The following DZANK1 variants were observed in gnomAD, a reference collection of about 807,000 sequenced individuals.
The protein encoded by DZANK1 is double zinc ribbon and ankyrin repeat-containing protein 1.
DZANK1 carries 91 observed loss-of-function variants against 94.5 expected under a neutral mutation model. The ratio of observed to expected loss-of-function variants is 0.96; its 90% CI spans 0.81 to 1.15. The LOEUF (loss-of-function observed/expected upper bound fraction) is 1.15. Ranked by LOEUF, DZANK1 falls within the 50% of genes most tolerant of loss-of-function variation. The pLI is 0.00. For synonymous variants in DZANK1, 312 were observed against 325.3 expected, an observed-to-expected ratio of 0.96 and a Z score of 0.44; for missense variants, 903 against 916.4, an observed-to-expected ratio of 0.99 and a Z score of 0.19.
At chr20:18,454,891 G>A (rs760503135) in intron 4 of DZANK1, among the ~76,000 whole-genome samples, 1 of 152,218 alleles carries the variant, frequency 6.6e-6, no homozygotes, top group Non-Finnish European at 1.5e-5. Context: ...ACTCCAGTTT[G>A]GTTGGAGTAT....
At chr20:18,391,023 G>A (rs1011268921) in intron 17 of DZANK1, among the ~76,000 whole-genome samples, 3 of 152,020 alleles carry the variant, frequency 2.0e-5, no homozygotes, top group African/African-American at 4.8e-5. Flanking sequence ...TGGTGAAACC[G>A]TGTCTCTACT....
exon 3 of DZANK1, chr20:18,460,253 G>C: frequency 6.3e-7 from 1 of 1,591,496 alleles, no homozygotes; most frequent in Non-Finnish European, 8.6e-7. Context: ...ATTCTCTTTA[G>C]AAATTCAGGT....
intron 10 of DZANK1, among the ~76,000 whole-genome samples, chr20:18,415,812 T>C (rs1015867567): frequency 3.0e-4 from 45 of 152,214 alleles, no homozygotes; most frequent in African/African-American, 1.1e-3. Flanking sequence ...GCGGTCATGA[T>C]TGAGGCTTAT....
intron 1 of DZANK1, among the ~76,000 whole-genome samples, chr20:18,466,605 A>C (rs931579007): frequency 6.6e-6 from 1 of 152,240 alleles, no homozygotes; most frequent in African/African-American, 2.4e-5. Context: ...TAGTTGAAAA[A>C]TTCTAAATAA....
chr20:18,394,190 A>G, intron 16 of DZANK1, 64 bp downstream of exon 16: 1 of 1,433,012 alleles, frequency 7.0e-7, no homozygotes, highest in South Asian at 1.2e-5. Flanking sequence ...GTTCTCTGCT[A>G]TACCTGCCAA....
In DZANK1 at chr20:18,447,214, G is replaced by A. The variant is rs190826452; in HGVS notation, c.629+1770C>T. Among the ~76,000 whole-genome samples, 325 of 152,246 alleles carry A rather than the reference G, an allele frequency of 2.1e-3. 2 individuals carry two copies. Among genetic ancestry groups the A allele is most frequent in the African/African-American group, 7.4e-3 (307 of 41,574 alleles). On this transcript the variant is annotated intron_variant, in intron 7 of 20. Coordinates refer to ENST00000262547, the Ensembl canonical transcript of DZANK1. Reference sequence around the variant, plus strand: ...AACTTGGCTGGGTGTGGTGGCTCACGCCTATAATCCCACTACTTTGGGAGG... The same window carrying A: ...AACTTGGCTGGGTGTGGTGGCTCACACCTATAATCCCACTACTTTGGGAGG...
At chr20:18,386,196 G>A (rs538861139) in intron 19 of DZANK1, among the ~76,000 whole-genome samples, 4 of 152,308 alleles carry the variant, frequency 2.6e-5, no homozygotes, top group Non-Finnish European at 2.9e-5. Context: ...AAAGAGAACC[G>A]CTGGTGAGAA....
intron 7 of DZANK1, among the ~76,000 whole-genome samples, chr20:18,445,175 C>T (rs1285388477): frequency 6.6e-6 from 1 of 152,104 alleles, no homozygotes; most frequent in African/African-American, 2.4e-5. Flanking sequence ...CAAAAGAAAG[C>T]AGGAGTGACA....
chr20:18,454,954 C>T (rs934049652), intron 4 of DZANK1, among the ~76,000 whole-genome samples: 1 of 152,156 alleles, frequency 6.6e-6, no homozygotes, highest in African/African-American at 2.4e-5. Flanking sequence ...AAACTGATGA[C>T]TTGGATGGAA....
intron 10 of DZANK1, among the ~76,000 whole-genome samples, chr20:18,423,901 C>A (rs1420071839): frequency 4.5e-5 from 6 of 134,176 alleles, no homozygotes; most frequent in Non-Finnish European, 1.0e-4. Context: ...AGATTAAACC[C>A]AAAGAAAAGA....
At chr20:18,453,679 T>C in intron 5 of DZANK1, 52 bp downstream of exon 5, 2 of 1,307,348 alleles carry the variant, frequency 1.5e-6, no homozygotes, top group East Asian at 2.3e-5. Context: ...GCCATGAACC[T>C]CTTCGGTGGG....
intron 9 of DZANK1, among the ~76,000 whole-genome samples, chr20:18,429,859 C>A (rs1352145612): frequency 6.6e-6 from 1 of 152,194 alleles, no homozygotes; most frequent in Non-Finnish European, 1.5e-5. Flanking sequence ...TTTTATATCA[C>A]AATCCACTAT....
intron 14 of DZANK1, among the ~76,000 whole-genome samples, chr20:18,397,402 C>G (rs767115315): frequency 6.6e-6 from 1 of 152,104 alleles, no homozygotes; most frequent in South Asian, 2.1e-4. Context: ...TTTATAATGG[C>G]AATGTAGTAT....
Position 18,415,467 on chromosome 20 carries a change from A to G in DZANK1, c.955-18T>C. On this transcript the variant is annotated intron_variant, in intron 10 of 20. Transcript: ENST00000262547. ...CACATCGACTGGTGAATGAAATGGC[A>G]TTTAAAGGCAGGATCAGTACTATAT... is the stretch of plus-strand genomic sequence containing the variant. The G allele has an allele frequency of 6.7e-7, 1 of 1,487,028 alleles. No homozygotes were observed. Among genetic ancestry groups the G allele is most frequent in the Non-Finnish European group, 9.0e-7 (1 of 1,112,386 alleles). The allele number at this position is 1,487,028 out of a possible 1,614,324, so 92.1% of individuals were successfully genotyped here.
intron 10 of DZANK1, among the ~76,000 whole-genome samples, chr20:18,425,492 A>C (rs1240446297): frequency 1.3e-5 from 2 of 151,770 alleles, no homozygotes; most frequent in African/African-American, 4.8e-5. Flanking sequence ...CGGAGGTTGC[A>C]GTGAGCCGAG....
rs542131209 is a variant in DZANK1, at chr20:18,459,271, C to T, written c.263+882G>A. Among the ~76,000 whole-genome samples, 265 of 152,306 alleles carry T rather than the reference C, an allele frequency of 1.7e-3. 2 individuals carry two copies. The highest frequency in any genetic ancestry group is 6.6e-3 in the South Asian group (32 of 4,824). ...GCATATACTCCATTTGCAGCACACACTTTAAAACAATAATAATGTGCATAA... is the reference window on the plus strand; with the variant it reads ...GCATATACTCCATTTGCAGCACACATTTTAAAACAATAATAATGTGCATAA... On this transcript the variant is annotated intron_variant, in intron 3 of 20. Transcript: ENST00000262547.
intron 3 of DZANK1, among the ~76,000 whole-genome samples, chr20:18,457,537 G>A (rs1357060445): frequency 3.9e-5 from 6 of 152,106 alleles, no homozygotes; most frequent in Admixed American, 1.3e-4. Context: ...AAGTAATAGG[G>A]TATAAGCAGT....
chr20:18,400,898 A>C (rs2056638273), intron 13 of DZANK1, among the ~76,000 whole-genome samples: 1 of 152,206 alleles, frequency 6.6e-6, no homozygotes, highest in Admixed American at 6.5e-5. Context: ...AGTATGTTTA[A>C]AATGAGGTTC....
chr20:18,424,056 A>G (rs1001908852), intron 10 of DZANK1, among the ~76,000 whole-genome samples: 5 of 152,228 alleles, frequency 3.3e-5, no homozygotes, highest in African/African-American at 1.2e-4. Flanking sequence ...AGAAGGAATG[A>G]TAAAGAAAGA....
Sources: gnomAD v4.1 joint callset for allele counts (sites outside exome capture counted in the v4.1 genomes callset) on GRCh38, gnomAD v4.1.1 for gene constraint, MANE v1.5 for transcripts, NCBI Gene and HGNC (gene_info 2026-07-23, HGNC 2026-07-21) for gene names.